Variants in CD44 observed in about 807,000 individuals in gnomAD.
CD44 encodes CD44 antigen.
CD44 carries 49 observed loss-of-function variants against 88.8 expected under a neutral mutation model. The ratio of observed to expected loss-of-function variants is 0.55; its 90% CI spans 0.44 to 0.70. The LOEUF (loss-of-function observed/expected upper bound fraction) is 0.70. Among genes scored for constraint, CD44 ranks in the 30% least tolerant of loss-of-function variants. CD44 has a pLI of 0.00. For missense variants in CD44, 883 were observed against 913.8 expected, an observed-to-expected ratio of 0.97 and a Z score of 0.43; for synonymous variants, 325 against 312.3, an observed-to-expected ratio of 1.04 and a Z score of -0.43.
At chr11:35,149,166 A>G (rs1342383030) in intron 1 of CD44, among the ~76,000 whole-genome samples, 2 of 152,214 alleles carry the variant, frequency 1.3e-5, no homozygotes, top group Non-Finnish European at 2.9e-5. Flanking sequence ...CCTTAAAATC[A>G]TGTTCTCAAC....
intron 8 of CD44, 181 bp from the exon 9 acceptor site, chr11:35,201,490 A>T: frequency 1.5e-6 from 1 of 668,204 alleles, no homozygotes; most frequent in Non-Finnish European, 2.5e-6. Flanking sequence ...AAGAAATTCC[A>T]AGCCCATTGA....
At chr11:35,177,371 C>T (rs1335987945) in intron 2 of CD44, among the ~76,000 whole-genome samples, 2 of 152,204 alleles carry the variant, frequency 1.3e-5, no homozygotes, top group Admixed American at 6.5e-5. Flanking sequence ...TCACAACAAG[C>T]AAGGACTTTA....
chr11:35,148,562 G>GA (rs1400580055), intron 1 of CD44, among the ~76,000 whole-genome samples: 1 of 152,168 alleles, frequency 6.6e-6, no homozygotes, highest in African/African-American at 2.4e-5. Flanking sequence ...TGTTCCCCCT[G>GA]AAAATTCATA....
At chr11:35,214,774 G>A (rs897269124) in intron 14 of CD44, 78 bp from the exon 15 acceptor site, 1 of 786,972 alleles carries the variant, frequency 1.3e-6, no homozygotes, top group East Asian at 3.0e-5. Flanking sequence ...GGCTGTATAA[G>A]AATGCAAAGG....
intron 5 of CD44, among the ~76,000 whole-genome samples, chr11:35,191,528 G>A (rs1341396851): frequency 1.3e-5 from 2 of 152,104 alleles, no homozygotes; most frequent in East Asian, 1.9e-4. Flanking sequence ...TGCTTCTTGG[G>A]TTCCCTGTCT....
intron 12 of CD44, among the ~76,000 whole-genome samples, chr11:35,209,764 G>C (rs1948222591): frequency 6.6e-6 from 1 of 152,122 alleles, no homozygotes; most frequent in African/African-American, 2.4e-5. Flanking sequence ...GAGAAATAAA[G>C]GGTCTTCAGA....
At chr11:35,188,700 G>A (rs541448794) in intron 4 of CD44, among the ~76,000 whole-genome samples, 1 of 152,170 alleles carries the variant, frequency 6.6e-6, no homozygotes, top group South Asian at 2.1e-4. Flanking sequence ...CACTTTGGGA[G>A]GCTGAGGCAG....
At position 35,229,130 on chromosome 11, in the gene CD44, T is replaced by A. The variant is rs1591372245; in HGVS notation, c.2026T>A (p.Cys676Ser). 6.2e-7 allele frequency: 1 copy of A among 1,612,704 alleles called. No individual in the cohort carries two copies. Among genetic ancestry groups the A allele is most frequent in the East Asian group, 2.2e-5 (1 of 44,862 alleles). Reference sequence around the variant, plus strand: ...ATGGTACATTTTTTAAATTATTAGGTGTGGGCAGAAGAAAAAGCTAGTGAT... The same window carrying A: ...ATGGTACATTTTTTAAATTATTAGGAGTGGGCAGAAGAAAAAGCTAGTGAT... ...VCIAVNSRRRCGQKKKLVINS... is the reference protein window; with the variant it reads ...VCIAVNSRRRSGQKKKLVINS... The change falls in exon 18 of 18, where the codon TGT (cysteine) becomes AGT (serine). Residue 676 changes from cysteine (C) to serine (S), a missense_variant and splice_region_variant. Physicochemically the swap from Cys to Ser is moderately radical, Grantham distance 112 (BLOSUM62 -1). Transcript: ENST00000428726.
intron 11 of CD44, among the ~76,000 whole-genome samples, chr11:35,207,225 G>A (rs1947953838): frequency 6.6e-6 from 1 of 152,214 alleles, no homozygotes; most frequent in South Asian, 2.1e-4. Context: ...AATATTTAGT[G>A]TTGAATCTTG....
intron 1 of CD44, among the ~76,000 whole-genome samples, chr11:35,157,468 C>A (rs1329552180): frequency 6.6e-6 from 1 of 152,144 alleles, no homozygotes; most frequent in Admixed American, 6.5e-5. Context: ...TATCATCTAT[C>A]TGCCATATAT....
intron 1 of CD44, among the ~76,000 whole-genome samples, chr11:35,143,126 C>T (rs1858336589): frequency 6.6e-6 from 1 of 151,932 alleles, no homozygotes; most frequent in Non-Finnish European, 1.5e-5. Context: ...CTACAATATA[C>T]CCAATTTGAG....
intron 17 of CD44, 80 bp from the exon 18 acceptor site, chr11:35,229,046 AATG>A: frequency 8.9e-7 from 1 of 1,126,886 alleles, no homozygotes; most frequent in South Asian, 1.4e-5. Context: ...AGTGATCATC[AATG>A]ATGGTGCTCA....
At chr11:35,204,289 TCAAAA>T (rs1947603855) in intron 9 of CD44, among the ~76,000 whole-genome samples, 1 of 152,164 alleles carries the variant, frequency 6.6e-6, no homozygotes, top group South Asian at 2.1e-4. Context: ...TTTGAACAAA[TCAAAA>T]CTTCTTTGGA....
At chr11:35,204,668 G>A in intron 10 of CD44, 28 bp downstream of exon 10, 2 of 1,606,910 alleles carry the variant, frequency 1.2e-6, no homozygotes, top group Non-Finnish European at 1.7e-6. Flanking sequence ...AAGTAAATTT[G>A]GATGGAAACT....
intron 14 of CD44, among the ~76,000 whole-genome samples, chr11:35,213,106 G>C (rs1361347436): frequency 6.6e-6 from 1 of 152,038 alleles, no homozygotes; most frequent in Non-Finnish European, 1.5e-5. Flanking sequence ...TTACAGACGT[G>C]AGCCACCACG....
At chr11:35,206,280 T>C (rs1208537734) in intron 11 of CD44, 37 bp downstream of exon 11, 1 of 1,558,980 alleles carries the variant, frequency 6.4e-7, no homozygotes, top group African/African-American at 1.4e-5. Flanking sequence ...TTATGTTTTT[T>C]GAAATCCACT....
intron 1 of CD44, among the ~76,000 whole-genome samples, chr11:35,175,294 G>A (rs1944336280): frequency 6.6e-6 from 1 of 152,186 alleles, no homozygotes; most frequent in Non-Finnish European, 1.5e-5. Context: ...TTTATACTGG[G>A]TATGAACATA....
intron 2 of CD44, chr11:35,176,966 A>G: frequency 2.1e-6 from 1 of 485,098 alleles, no homozygotes; most frequent in Non-Finnish European, 3.6e-6. Context: ...AGAGGAAGCC[A>G]TTAGGGGTCC....
At chr11:35,215,586 A>G (rs1443010441) in intron 15 of CD44, among the ~76,000 whole-genome samples, 2 of 152,182 alleles carry the variant, frequency 1.3e-5, no homozygotes, top group Non-Finnish European at 2.9e-5. Context: ...TTGTAGGTCA[A>G]GAACAGGTCA....
Sources: allele counts gnomAD v4.1 joint callset (sites outside exome capture counted in the v4.1 genomes callset), GRCh38; gene constraint gnomAD v4.1.1; transcripts MANE v1.5; gene names NCBI Gene and HGNC (gene_info 2026-07-23, HGNC 2026-07-21).